Variants in QSER1 observed in about 807,000 individuals in gnomAD.
The protein encoded by QSER1 is glutamine and serine-rich protein 1.
In QSER1, 49 loss-of-function variants were observed where a neutral mutation model predicts 158.5. The observed-to-expected ratio is 0.31, with a 90% confidence interval of 0.25 to 0.39. The LOEUF is 0.39. QSER1 is among the 10% of genes least tolerant of loss of function. The pLI, the probability that QSER1 is intolerant of heterozygous loss-of-function variation, is 1.00. For synonymous variants in QSER1, 650 were observed against 715.5 expected, an observed-to-expected ratio of 0.91 and a Z score of 1.46; for missense variants, 1,754 against 2,010.3, an observed-to-expected ratio of 0.87 and a Z score of 2.44.
chr11:32,944,481 A>G (rs1329124382), intron 4 of QSER1, among the ~76,000 whole-genome samples: 1 of 151,728 alleles, frequency 6.6e-6, no homozygotes, highest in Non-Finnish European at 1.5e-5. Flanking sequence ...TTCTGCCTTC[A>G]TTTCATTATG....
chr11:32,946,362 G>A (rs1852332040), intron 4 of QSER1, among the ~76,000 whole-genome samples: 1 of 151,988 alleles, frequency 6.6e-6, no homozygotes. Context: ...CCCCATCTTT[G>A]TGGTTTTATC....
intron 1 of QSER1, among the ~76,000 whole-genome samples, chr11:32,920,988 C>T (rs1323328496): frequency 6.6e-6 from 1 of 152,198 alleles, no homozygotes; most frequent in African/African-American, 2.4e-5. Flanking sequence ...CCAGCAATTT[C>T]ACTCCTGGAT....
chr11:32,956,161 A>C (rs1406232060), intron 7 of QSER1, 40 bp downstream of exon 7: 19 of 1,518,524 alleles, frequency 1.3e-5, no homozygotes, highest in Non-Finnish European at 1.7e-5. Context: ...GCATATATAT[A>C]GGTGTATTAT....
At chr11:32,966,245 G>A in intron 8 of QSER1, 55 bp from the exon 9 acceptor site, 1 of 1,576,122 alleles carries the variant, frequency 6.3e-7, no homozygotes. Flanking sequence ...AGAGAAAAGT[G>A]TTTTTAAAAT....
rs770104143 is a variant in QSER1, at chr11:32,969,100, G to A, written c.5162G>A (p.Arg1721Gln). 1.9e-5 allele frequency: 31 copies of A among 1,597,276 alleles called. No individual in the cohort carries two copies. In the Middle Eastern group the frequency reaches 5.0e-4, roughly 26 times the overall value. Residue 1721 changes from arginine (R) to glutamine (Q), a missense_variant, in exon 10 of 13, where the codon CGA becomes CAA. Arg to Gln is a conservative substitution (Grantham distance 43). Coordinates refer to ENST00000650167, the MANE Select transcript of QSER1 (RefSeq NM_001076786.3). Reference protein sequence around the residue: ...KKIDGMLNDNRKRLLLNLHLD... With the variant: ...KKIDGMLNDNQKRLLLNLHLD... The stretch of plus-strand genomic sequence containing the variant: ...ATAGATGGCATGCTAAATGATAACC[G>A]AAAGAGACTTCTTTTGAATCTTCAT...
intron 1 of QSER1, among the ~76,000 whole-genome samples, chr11:32,895,291 G>C (rs956866028): frequency 6.6e-6 from 1 of 152,060 alleles, no homozygotes; most frequent in Non-Finnish European, 1.5e-5. Flanking sequence ...AAGCGGTGGG[G>C]GGAATCAGCT....
At chr11:32,917,737 G>A (rs1176667838) in intron 1 of QSER1, among the ~76,000 whole-genome samples, 8 of 142,090 alleles carry the variant, frequency 5.6e-5, no homozygotes, top group African/African-American at 1.8e-4. Context: ...CAGGAGAATC[G>A]CTTGAACCTC....
At chr11:32,955,652 A>G (rs752838059) in intron 6 of QSER1, among the ~76,000 whole-genome samples, 1 of 152,140 alleles carries the variant, frequency 6.6e-6, no homozygotes, top group Non-Finnish European at 1.5e-5. Context: ...AATAAAGGAA[A>G]GGGATTAATG....
At chr11:32,923,575 G>A (rs1851925531) in intron 1 of QSER1, among the ~76,000 whole-genome samples, 1 of 152,144 alleles carries the variant, frequency 6.6e-6, no homozygotes, top group Non-Finnish European at 1.5e-5. Context: ...CTACTCAGGA[G>A]GCTGAGGCAG....
chr11:32,934,427 G>A lies in QSER1; in HGVS notation c.3169G>A (p.Val1057Met), dbSNP rs753611327. ...DTSLNGNQVTVNLSPVPALQS... is the reference protein window; with the variant it reads ...DTSLNGNQVTMNLSPVPALQS... The stretch of plus-strand genomic sequence containing the variant: ...TTCCTTAAATGGAAATCAGGTTACT[G>A]TGAACCTTTCACCAGTACCTGCCCT... Residue 1057 changes from valine (V) to methionine (M), a missense_variant, in exon 4 of 13, where the codon GTG becomes ATG. Val to Met is a conservative substitution (Grantham distance 21). Around this residue, in one of 2 missense-constraint regions of QSER1, gnomAD observed 1,707 missense variants for 1,919.6 expected, o/e 0.89. Transcript: ENST00000650167. The A allele has an allele frequency of 9.1e-5, 147 of 1,613,774 alleles. No homozygotes were observed. Among genetic ancestry groups the A allele is most frequent in the Non-Finnish European group, 1.9e-5 (23 of 1,180,020 alleles).
At chr11:32,973,656 G>C in intron 11 of QSER1, 107 bp downstream of exon 11, 1 of 1,133,398 alleles carries the variant, frequency 8.8e-7, no homozygotes, top group Non-Finnish European at 1.2e-6. Flanking sequence ...GTCATTAAGT[G>C]TGAAGGTTTT....
intron 1 of QSER1, among the ~76,000 whole-genome samples, chr11:32,895,150 A>G (rs1030174174): frequency 6.6e-6 from 1 of 152,230 alleles, no homozygotes; most frequent in Non-Finnish European, 1.5e-5. Context: ...GACTTCCCAA[A>G]CACACTTGAA....
chr11:32,945,333 G>C (rs1298066529), intron 4 of QSER1, among the ~76,000 whole-genome samples: 2 of 151,948 alleles, frequency 1.3e-5, no homozygotes, highest in Non-Finnish European at 2.9e-5. Flanking sequence ...TCCCAGTCTC[G>C]ATGGTCTTTA....
intron 11 of QSER1, among the ~76,000 whole-genome samples, chr11:32,973,826 GTAGT>G (rs1313878012): frequency 1.3e-5 from 2 of 152,134 alleles, no homozygotes; most frequent in Non-Finnish European, 2.9e-5. Flanking sequence ...ATATTTGTAG[GTAGT>G]TTTTCATTTT....
At chr11:32,909,540 A>G (rs1851738308) in intron 1 of QSER1, among the ~76,000 whole-genome samples, 1 of 152,032 alleles carries the variant, frequency 6.6e-6, no homozygotes, top group African/African-American at 2.4e-5. Flanking sequence ...TCTGGGTTCA[A>G]GCAATTCTCC....
At chr11:32,944,797 C>T (rs1177261758) in intron 4 of QSER1, among the ~76,000 whole-genome samples, 1 of 142,096 alleles carries the variant, frequency 7.0e-6, no homozygotes, top group African/African-American at 2.7e-5. Context: ...TCCTTGTTGA[C>T]TTTCTGTCTC....
intron 1 of QSER1, among the ~76,000 whole-genome samples, chr11:32,908,726 C>T (rs1370607048): frequency 1.3e-5 from 2 of 152,200 alleles, no homozygotes; most frequent in African/African-American, 4.8e-5. Context: ...CTGCTATGGA[C>T]ATTTGCATGT....
intron 1 of QSER1, among the ~76,000 whole-genome samples, chr11:32,899,181 A>C (rs1851594624): frequency 6.6e-6 from 1 of 152,180 alleles, no homozygotes; most frequent in Admixed American, 6.6e-5. Context: ...TTATATTTGT[A>C]GTACTTAGTA....
At position 32,958,054 on chromosome 11, in the gene QSER1, C is replaced by T. The variant is rs1290239634; in HGVS notation, c.4937C>T (p.Pro1646Leu). The T allele has an allele frequency of 2.5e-6, 4 of 1,614,012 alleles. No homozygotes were observed. Among genetic ancestry groups the T allele is most frequent in the Non-Finnish European group, 3.4e-6 (4 of 1,180,016 alleles). The change falls in exon 8 of 13, where the codon CCT becomes CTT. Residue 1646 changes from proline to leucine, a missense_variant. This residue lies in a region of QSER1 where 1,707 missense variants were observed against 1,919.6 expected (regional missense o/e 0.89). Transcript: ENST00000650167. ...EFSSSQSDSSPEIHTSSSDDE... is the reference protein window; with the variant it reads ...EFSSSQSDSSLEIHTSSSDDE... Reference sequence around the variant, plus strand: ...TCATCATCCCAATCTGACTCATCTCCTGAGATCCATACTAGTAGTAGTGAC... The same window carrying T: ...TCATCATCCCAATCTGACTCATCTCTTGAGATCCATACTAGTAGTAGTGAC...
Sources: gnomAD v4.1 joint callset for allele counts (sites outside exome capture counted in the v4.1 genomes callset) on GRCh38, gnomAD v4.1.1 for gene constraint, gnomAD v4.1.1 regional missense constraint, MANE v1.5 for transcripts, NCBI Gene and HGNC (gene_info 2026-07-23, HGNC 2026-07-21) for gene names.